RYR3: variants seen among roughly 807,000 people sequenced by gnomAD.
RYR3 encodes ryanodine receptor 3.
In RYR3, 207 loss-of-function variants were observed where a neutral mutation model predicts 584.3. The ratio of observed to expected loss-of-function variants is 0.35; its 90% CI spans 0.32 to 0.40. The LOEUF (loss-of-function observed/expected upper bound fraction) is 0.40. RYR3 is among the 10% of genes least tolerant of loss of function. The probability of loss-of-function intolerance (pLI) is 1.00; values close to 1 mark genes in which losing one functional copy is unlikely to be tolerated. For synonymous variants in RYR3, 2,416 were observed against 2,248.5 expected, an observed-to-expected ratio of 1.07 and a Z score of -2.11; for missense variants, 5,616 against 6,089.2, an observed-to-expected ratio of 0.92 and a Z score of 2.59.
rs1420028329 is a variant in RYR3, at chr15:33,450,094, A to C, written c.52-23325A>C. ...GGCTAGAGCATTAATACCTAAAAAA[A>C]AAAAAAAAAAAAAAAAAGCCGGCAA... On this transcript the variant is annotated intron_variant, in intron 1 of 103. Transcript: ENST00000634891. 2.6e-5 allele frequency among the ~76,000 whole-genome samples: 3 copies of C among 115,684 alleles called. No homozygotes were observed. In the East Asian group the frequency reaches 5.9e-4, roughly 23 times the overall value. The allele number at this position is 115,684 out of a possible 152,430, so 75.9% of individuals were successfully genotyped here.
rs575688215 is a variant in RYR3 at position 33,857,881 on chromosome 15, C to T, written c.14109C>T (p.Asp4703=). The change falls in exon 99 of 104, where the codon GAC becomes GAT. Residue 4703 remains aspartate (D), a synonymous_variant. Transcript: ENST00000634891. ...RKFYNKSEDD[D]EPDMKCDDMM... is the part of the protein sequence containing the mutation. Reference sequence around the variant, plus strand: ...TCTACAACAAAAGCGAAGACGATGACGAGCCCGATATGAAGTGCGACGACA... The same window carrying T: ...TCTACAACAAAAGCGAAGACGATGATGAGCCCGATATGAAGTGCGACGACA... 1.4e-5 allele frequency: 22 copies of T among 1,614,124 alleles called. No individual in the cohort carries two copies. Among genetic ancestry groups the T allele is most frequent in the East Asian group, 8.9e-5 (4 of 44,888 alleles).
At chr15:33,748,318 GAATGTTCTGCCTGGGGC>G in intron 54 of RYR3, 58 bp downstream of exon 54, 1 of 1,595,212 alleles carries the variant, frequency 6.3e-7, no homozygotes, top group South Asian at 1.1e-5. Context: ...GAGAATCTGG[GAATGTTCTGCCTGGGGC>G]ATCGTAGGTG....
intron 17 of RYR3, among the ~76,000 whole-genome samples, chr15:33,602,486 C>T (rs1305694515): frequency 6.6e-6 from 1 of 152,016 alleles, no homozygotes; most frequent in Non-Finnish European, 1.5e-5. Context: ...AATAAGGGTG[C>T]TTATACCAAT....
At chr15:33,597,685 T>C (rs1246033778) in intron 16 of RYR3, among the ~76,000 whole-genome samples, 1 of 151,970 alleles carries the variant, frequency 6.6e-6, no homozygotes, top group East Asian at 1.9e-4. Context: ...AGTCTTTAAA[T>C]AGGAACTTTA....
chr15:33,861,161 C>G lies in RYR3; in HGVS notation c.14448C>G (p.His4816Gln). Residue 4816 changes from histidine to glutamine, a missense_variant, in exon 102 of 104, where the codon CAC becomes CAG. Physicochemically the swap from His to Gln is conservative, Grantham distance 24. Around this residue, in one of 9 missense-constraint regions of RYR3, gnomAD observed 918 missense variants for 887.4 expected, o/e 1.03. Coordinates refer to ENST00000634891, the MANE Select transcript of RYR3 (RefSeq NM_001036.6). Reference protein sequence around the residue: ...HGFETHTLQEHNLANYLFFLM... With the variant: ...HGFETHTLQEQNLANYLFFLM... ...TTGAAACACATACATTACAAGAGCA[C>G]AACTTAGCCAACTACTTGTGAGTAT... The G allele has an allele frequency of 1.9e-6, 3 of 1,588,336 alleles. No homozygotes were observed. Among genetic ancestry groups the G allele is most frequent in the Non-Finnish European group, 2.6e-6 (3 of 1,165,810 alleles).
chr15:33,764,340 T>C (rs1476830503), intron 60 of RYR3, among the ~76,000 whole-genome samples: 3 of 151,280 alleles, frequency 2.0e-5, no homozygotes, highest in Non-Finnish European at 4.4e-5. Context: ...GAAAACCAAG[T>C]ACCACATGTT....
At chr15:33,353,453 G>T (rs1367383729) in intron 1 of RYR3, among the ~76,000 whole-genome samples, 1 of 152,130 alleles carries the variant, frequency 6.6e-6, no homozygotes, top group Non-Finnish European at 1.5e-5. Context: ...TGGGGAGAAG[G>T]CATCAGATTT....
chr15:33,379,438 TTTTGTC>T (rs1264871767), intron 1 of RYR3, among the ~76,000 whole-genome samples: 1 of 152,144 alleles, frequency 6.6e-6, no homozygotes, highest in Non-Finnish European at 1.5e-5. Context: ...AAAAAATACT[TTTTGTC>T]ATTGTTCTGT....
chr15:33,516,748 G>A (rs2053558915), intron 3 of RYR3, among the ~76,000 whole-genome samples: 2 of 152,082 alleles, frequency 1.3e-5, no homozygotes, highest in Non-Finnish European at 2.9e-5. Flanking sequence ...TGCTGAGTCA[G>A]ACAATATGCT....
At chr15:33,539,488 T>C in intron 6 of RYR3, 26 bp downstream of exon 6, 1 of 1,437,660 alleles carries the variant, frequency 7.0e-7, no homozygotes, top group Non-Finnish European at 9.6e-7. Context: ...TATAAGAGTC[T>C]TCTGTTTTCA....
intron 1 of RYR3, among the ~76,000 whole-genome samples, chr15:33,376,765 A>G (rs2040780125): frequency 1.3e-5 from 2 of 152,170 alleles, no homozygotes; most frequent in Admixed American, 1.3e-4. Context: ...TTTCACATCC[A>G]TGTCTGTGAG....
intron 24 of RYR3, 90 bp downstream of exon 24, chr15:33,633,198 G>A: frequency 7.2e-7 from 1 of 1,395,294 alleles, no homozygotes; most frequent in Non-Finnish European, 9.8e-7. Context: ...AGATCAGAAG[G>A]AAGAGTTTGC....
At chr15:33,546,269 C>T (rs6495164) in intron 8 of RYR3, among the ~76,000 whole-genome samples, 28,708 of 152,070 alleles carry the variant, frequency 0.19, 3,011 homozygotes, top group Admixed American at 0.29. Context: ...GCCACTTCAC[C>T]CTCTTCTCCT....
intron 1 of RYR3, among the ~76,000 whole-genome samples, chr15:33,321,858 T>C (rs1159662345): frequency 6.6e-6 from 1 of 152,206 alleles, no homozygotes; most frequent in Non-Finnish European, 1.5e-5. Context: ...AAGTGAACTC[T>C]ATGGATGAGT....
chr15:33,801,806 A>G, intron 68 of RYR3, 63 bp from the exon 69 acceptor site: 1 of 854,556 alleles, frequency 1.2e-6, no homozygotes, highest in Admixed American at 2.3e-5. Flanking sequence ...GGAGCTTAGA[A>G]TCTTATTTTT....
At chr15:33,465,359 C>G (rs962826673) in intron 1 of RYR3, among the ~76,000 whole-genome samples, 2 of 151,950 alleles carry the variant, frequency 1.3e-5, no homozygotes, top group Non-Finnish European at 2.9e-5. Context: ...TTTTTGAAAA[C>G]CCACCTTGCT....
chr15:33,649,425 A>G (rs886834694), intron 31 of RYR3, among the ~76,000 whole-genome samples, 190 bp downstream of exon 31: 10 of 152,234 alleles, frequency 6.6e-5, no homozygotes, highest in Non-Finnish European at 8.8e-5. Flanking sequence ...AAAATAGAGA[A>G]GAGTTTCATC....
chr15:33,325,042 A>G (rs894900465), intron 1 of RYR3, among the ~76,000 whole-genome samples: 3 of 152,236 alleles, frequency 2.0e-5, no homozygotes, highest in African/African-American at 7.2e-5. Flanking sequence ...TAGATATAGG[A>G]CAATTCTATA....
chr15:33,497,141 ATTCCTCCTCTTCTCCC>A (rs1400094969), intron 2 of RYR3, among the ~76,000 whole-genome samples: 13 of 152,136 alleles, frequency 8.5e-5, no homozygotes, highest in Non-Finnish European at 1.3e-4. Context: ...AATTCCCCAG[ATTCCTCCTCTTCTCCC>A]AGAGGAGCCT....
Sources: allele counts gnomAD v4.1 joint callset (sites outside exome capture counted in the v4.1 genomes callset), GRCh38; gene constraint gnomAD v4.1.1; regional missense constraint gnomAD v4.1.1; transcripts MANE v1.5; gene names NCBI Gene and HGNC (gene_info 2026-07-23, HGNC 2026-07-21).